Variants in MLC1 observed in about 807,000 individuals in gnomAD.
The protein encoded by MLC1 is modulator of VRAC current 1.
A neutral mutation model predicts 44.7 loss-of-function variants in MLC1; 32 were observed. The ratio of observed to expected loss-of-function variants is 0.72; its 90% CI spans 0.54 to 0.96. The LOEUF (loss-of-function observed/expected upper bound fraction) is 0.96. MLC1 is among the 40% of genes least tolerant of loss of function. The pLI is 0.00. For missense variants in MLC1, 459 were observed against 492.2 expected (o/e 0.93, Z 0.64); for synonymous variants, 190 against 213.0 (o/e 0.89, Z 0.94).
intron 10 of MLC1, among the ~76,000 whole-genome samples, chr22:50,066,918 A>C (rs571795497): frequency 6.6e-6 from 1 of 152,266 alleles, no homozygotes; most frequent in South Asian, 2.1e-4. Flanking sequence ...CATTAAACTT[A>C]ATGGGGTATC....
At chr22:50,074,154 C>A in intron 8 of MLC1, 62 bp downstream of exon 8, 1 of 1,401,502 alleles carries the variant, frequency 7.1e-7, no homozygotes, top group Non-Finnish European at 1.0e-6. Flanking sequence ...CGGGGCCCAG[C>A]CACGCAGGAT....
intron 3 of MLC1, among the ~76,000 whole-genome samples, chr22:50,081,033 G>GAAAGAAAGAAAGAAAGAAAGAAAGAA (rs1569250865): frequency 1.4e-5 from 2 of 146,192 alleles, no homozygotes; most frequent in African/African-American, 2.7e-5. Context: ...AAGAAAGAAA[G>GAAAGAAAGAAAGAAAGAAAGAAAGAA]AAAGAAAGAA....
intron 3 of MLC1, among the ~76,000 whole-genome samples, chr22:50,082,150 G>C (rs1258803198): frequency 6.6e-6 from 1 of 152,182 alleles, no homozygotes; most frequent in East Asian, 1.9e-4. Flanking sequence ...CTCGGGACCA[G>C]CTGAAGCAGG....
chr22:50,070,659 C>T, intron 8 of MLC1, 76 bp from the exon 9 acceptor site: 1 of 1,445,914 alleles, frequency 6.9e-7, no homozygotes, highest in African/African-American at 1.4e-5. Context: ...GCCCTCCCAC[C>T]AGTGACCCCT....
In MLC1 at chr22:50,060,659, T is replaced by A. The variant is rs1209531436; in HGVS notation, c.*924A>T. 1.3e-5 allele frequency: 2 copies of A among 152,598 alleles called. No homozygotes were observed. Among genetic ancestry groups the A allele is most frequent in the Admixed American group, 1.3e-4 (2 of 15,278 alleles). 9.5% of individuals were successfully genotyped at this position (152,598 alleles called of 1,614,324 possible). A position where few individuals can be genotyped will look rare whatever the true frequency, so the allele number is the denominator to read the frequency against. ...CGTGGTCCAGCCGGTTTACAAAGCC[T>A]TGGATGCAGCCCCACCCCCAAGAAC... On this transcript the variant is annotated 3_prime_UTR_variant, in exon 12 of 12. Coordinates refer to ENST00000311597, the MANE Select transcript of MLC1 (RefSeq NM_015166.4).
chr22:50,079,331 G>T (rs2062058865), intron 5 of MLC1, among the ~76,000 whole-genome samples: 1 of 151,512 alleles, frequency 6.6e-6, no homozygotes, highest in African/African-American at 2.4e-5. Flanking sequence ...TGTTCCCACT[G>T]GGTCCTCCTG....
At chr22:50,070,444 C>G in intron 9 of MLC1, 83 bp downstream of exon 9, 1 of 1,307,860 alleles carries the variant, frequency 7.6e-7, no homozygotes. Context: ...GGAGCCTGGT[C>G]ACATGGCACC....
chr22:50,076,938 C>CG (rs1192323490), intron 6 of MLC1, 26 bp from the exon 7 acceptor site: 2 of 1,613,364 alleles, frequency 1.2e-6, no homozygotes, highest in African/African-American at 2.7e-5. Context: ...ACTGTCACCC[C>CG]GGGTGCACGG....
At position 50,083,065 on chromosome 22, in the gene MLC1, C is replaced by T. The variant is rs754362648; in HGVS notation, c.267+19G>A. On this transcript the variant is annotated intron_variant, in intron 3 of 11. Transcript: ENST00000311597. This position sits in a 1 kb window ranked among gnomAD's most constrained non-coding sequence, Gnocchi z 4.6. ...CGGCGAGCTTGGGCACTGGCAGAGGCGTGGAGGAAGCTGCTTACAGAGCCT... is the reference window on the plus strand; with the variant it reads ...CGGCGAGCTTGGGCACTGGCAGAGGTGTGGAGGAAGCTGCTTACAGAGCCT... 1.1e-5 allele frequency: 18 copies of T among 1,611,998 alleles called. No homozygotes were observed. Among genetic ancestry groups the T allele is most frequent in the Admixed American group, 8.3e-5 (5 of 59,988 alleles).
At chr22:50,071,088 T>G (rs1437901767) in intron 8 of MLC1, among the ~76,000 whole-genome samples, 1 of 151,624 alleles carries the variant, frequency 6.6e-6, no homozygotes, top group Non-Finnish European at 1.5e-5. Context: ...CTTTTTAATT[T>G]TTTAATAATT....
At chr22:50,073,368 C>T (rs186432615) in intron 8 of MLC1, among the ~76,000 whole-genome samples, 2 of 152,312 alleles carry the variant, frequency 1.3e-5, no homozygotes, top group African/African-American at 4.8e-5. Flanking sequence ...GTGGGGTCTG[C>T]GTCCGGAGGC....
rs759692106 is a variant in MLC1 at position 50,084,853 on chromosome 22, G to A, written c.50C>T (p.Thr17Met). 45 of 1,613,504 alleles carry A rather than the reference G, an allele frequency of 2.8e-5. No homozygotes were observed. The highest frequency in any genetic ancestry group is 1.7e-4 in the Middle Eastern group (1 of 6,014). The change falls in exon 2 of 12, where the codon ACG (threonine) becomes ATG (methionine). Residue 17 changes from threonine to methionine, a missense_variant. Coordinates refer to ENST00000311597, the MANE Select transcript of MLC1 (RefSeq NM_015166.4). Reference protein sequence around the residue: ...REELAYDRMPTLERGRQDPAS... With the variant: ...REELAYDRMPMLERGRQDPAS... Reference sequence around the variant, plus strand: ...GGGGTCTTGCCGGCCCCGCTCCAGCGTGGGCATCCGGTCATAGGCCAGCTC... The same window carrying A: ...GGGGTCTTGCCGGCCCCGCTCCAGCATGGGCATCCGGTCATAGGCCAGCTC...
chr22:50,081,117 G>A (rs1207938425), intron 3 of MLC1, among the ~76,000 whole-genome samples: 1 of 151,878 alleles, frequency 6.6e-6, no homozygotes, highest in African/African-American at 2.4e-5. Context: ...GCTGAGGCGG[G>A]TGGATCAGAG....
chr22:50,073,050 C>CTCGGCAGTCCACCCGGCCACACTGTTT (rs1569246481), intron 8 of MLC1, among the ~76,000 whole-genome samples: 2 of 152,024 alleles, frequency 1.3e-5, no homozygotes, highest in Non-Finnish European at 2.9e-5. Context: ...CCACACCGTT[C>CTCGGCAGTCCACCCGGCCACACTGTTT]CCGGGCAGGC....
chr22:50,076,011 G>A (rs1426167018), intron 7 of MLC1, among the ~76,000 whole-genome samples: 6 of 152,162 alleles, frequency 3.9e-5, no homozygotes, highest in Non-Finnish European at 7.3e-5. Context: ...AAATTAGAGG[G>A]AAAAGGAAGG....
intron 10 of MLC1, among the ~76,000 whole-genome samples, chr22:50,066,975 G>C (rs577026553): frequency 6.6e-6 from 1 of 152,184 alleles, no homozygotes; most frequent in Admixed American, 6.5e-5. Context: ...CTTCGATGGC[G>C]TGTGGCCGTC....
At chr22:50,084,522 G>C (rs1169122256) in intron 2 of MLC1, among the ~76,000 whole-genome samples, 1 of 152,222 alleles carries the variant, frequency 6.6e-6, no homozygotes, top group Non-Finnish European at 1.5e-5. Context: ...CTCAAGGCTG[G>C]CACAACAGAC....
chr22:50,074,636 A>C, intron 7 of MLC1: 1 of 395,812 alleles, frequency 2.5e-6, no homozygotes, highest in Non-Finnish European at 4.8e-6. Context: ...GAAAACCAAG[A>C]CCCTCAGACT....
At chr22:50,082,564 G>A (rs1277628482) in intron 3 of MLC1, among the ~76,000 whole-genome samples, 1 of 152,250 alleles carries the variant, frequency 6.6e-6, no homozygotes, top group African/African-American at 2.4e-5. Context: ...TCCCTGCACA[G>A]GCGTCTGCAG....
Sources: gnomAD v4.1 joint callset for allele counts (sites outside exome capture counted in the v4.1 genomes callset) on GRCh38, gnomAD v4.1.1 for gene constraint, Gnocchi (gnomAD v3.1) non-coding constraint, MANE v1.5 for transcripts, NCBI Gene and HGNC (gene_info 2026-07-23, HGNC 2026-07-21) for gene names.